The following PSTPIP2 variants were observed in gnomAD, a reference collection of about 807,000 sequenced individuals.
PSTPIP2 encodes proline-serine-threonine phosphatase interacting protein 2, also known as proline-serine-threonine phosphatase-interacting protein 2.
In PSTPIP2, 33 loss-of-function variants were observed where a neutral mutation model predicts 63.3. That is an observed-to-expected ratio of 0.52 (90% CI 0.40 to 0.70). The LOEUF is 0.70. PSTPIP2 is among the 30% of genes least tolerant of loss of function. The pLI, the probability that PSTPIP2 is intolerant of heterozygous loss-of-function variation, is 0.00. For synonymous variants in PSTPIP2, 125 were observed against 132.7 expected (o/e 0.94, Z 0.40); for missense variants, 312 against 400.7 (o/e 0.78, Z 1.89).
chr18:46,064,282 C>CTTTTTTTTTTTTTT (rs56236802), intron 1 of PSTPIP2, among the ~76,000 whole-genome samples: 48 of 71,548 alleles, frequency 6.7e-4, no homozygotes, highest in Non-Finnish European at 8.7e-4. Flanking sequence ...CTTTTTCTTT[C>CTTTTTTTTTTTTTT]TTTTTTTTTT....
intron 3 of PSTPIP2, 194 bp from the exon 4 acceptor site, chr18:46,016,131 A>G (rs145337022): frequency 7.0e-4 from 414 of 592,890 alleles, no homozygotes; most frequent in African/African-American, 6.5e-3. Context: ...GGCACAAGAA[A>G]TTCTTCACTG....
chr18:46,001,608 A>G (rs1048376704), intron 6 of PSTPIP2, among the ~76,000 whole-genome samples: 1 of 152,194 alleles, frequency 6.6e-6, no homozygotes, highest in African/African-American at 2.4e-5. Flanking sequence ...CATCACCACC[A>G]TCCATCTCCG....
chr18:46,019,400 G>A (rs571794142), intron 3 of PSTPIP2, among the ~76,000 whole-genome samples: 7 of 152,028 alleles, frequency 4.6e-5, no homozygotes, highest in South Asian at 2.1e-4. Flanking sequence ...GAACATTTGC[G>A]CCAGTTATTA....
chr18:46,042,741 T>G (rs1004499702), intron 1 of PSTPIP2, among the ~76,000 whole-genome samples: 1 of 152,126 alleles, frequency 6.6e-6, no homozygotes, highest in African/African-American at 2.4e-5. Context: ...TCTTTGCCCT[T>G]CCCAGAGAAA....
At chr18:46,068,042 A>C (rs1443055229) in intron 1 of PSTPIP2, among the ~76,000 whole-genome samples, 1 of 152,082 alleles carries the variant, frequency 6.6e-6, no homozygotes, top group Non-Finnish European at 1.5e-5. Context: ...AGCACTGTAC[A>C]GTCAGTTCTC....
At position 45,985,208 on chromosome 18, in the gene PSTPIP2, A is replaced by G. The variant is rs2051455286; in HGVS notation, c.*251T>C. ...CCCATGTTGAAAACCTAATTCATTC[A>G]TAACCTGAGTAACTGGGAAAGAATA... On this transcript the variant is annotated 3_prime_UTR_variant, in exon 15 of 15. Transcript: ENST00000409746. 2 of 534,484 alleles carry G rather than the reference A, an allele frequency of 3.7e-6. No individual in the cohort carries two copies. The highest frequency in any genetic ancestry group is 5.3e-5 in the South Asian group (2 of 37,972). 33.1% of individuals were successfully genotyped at this position (534,484 alleles called of 1,614,324 possible). A position where few individuals can be genotyped will look rare whatever the true frequency, so the allele number is the denominator to read the frequency against.
In PSTPIP2 at chr18:45,985,308, T is replaced by A. The variant is rs560282468; in HGVS notation, c.*151A>T. On this transcript the variant is annotated 3_prime_UTR_variant, in exon 15 of 15. Transcript: ENST00000409746. ...ACTTGCTTATGTTGTCCTAAATGTCTACCATAAATTTTAAATCTCTAAAAA... is the reference window on the plus strand; with the variant it reads ...ACTTGCTTATGTTGTCCTAAATGTCAACCATAAATTTTAAATCTCTAAAAA... 3.6e-5 allele frequency: 40 copies of A among 1,110,594 alleles called. No homozygotes were observed. In the African/African-American group the frequency reaches 6.4e-4, roughly 18 times the overall value. 68.8% of individuals were successfully genotyped at this position (1,110,594 alleles called of 1,614,324 possible). A position where few individuals can be genotyped will look rare whatever the true frequency, so the allele number is the denominator to read the frequency against.
intron 4 of PSTPIP2, 25 bp downstream of exon 4, chr18:46,015,878 A>C: frequency 6.3e-7 from 1 of 1,590,160 alleles, no homozygotes; most frequent in Middle Eastern, 1.7e-4. Context: ...CAGTGAATAC[A>C]TTTTTTAAAA....
intron 2 of PSTPIP2, among the ~76,000 whole-genome samples, chr18:46,025,760 T>C (rs966671615): frequency 2.0e-5 from 3 of 151,850 alleles, no homozygotes; most frequent in Admixed American, 6.6e-5. Context: ...TGGACATATA[T>C]CCACGGGCAT....
intron 10 of PSTPIP2, 84 bp downstream of exon 10, chr18:45,993,521 T>G (rs1349905044): frequency 7.4e-7 from 1 of 1,346,898 alleles, no homozygotes; most frequent in Non-Finnish European, 1.1e-6. Flanking sequence ...AAGGGCAAAG[T>G]GAACCAATCA....
intron 13 of PSTPIP2, chr18:45,989,585 A>T (rs2051502778): frequency 6.6e-6 from 1 of 152,432 alleles, no homozygotes; most frequent in South Asian, 2.1e-4. Flanking sequence ...TCTTTTCTTT[A>T]CTCAAATAAT....
At chr18:46,069,820 G>A (rs554500204) in intron 1 of PSTPIP2, among the ~76,000 whole-genome samples, 1 of 152,090 alleles carries the variant, frequency 6.6e-6, no homozygotes, top group African/African-American at 2.4e-5. Context: ...CTATTTCTCT[G>A]TCCCCTTTCT....
chr18:46,004,726 C>A (rs1330790238), intron 6 of PSTPIP2, among the ~76,000 whole-genome samples: 1 of 151,824 alleles, frequency 6.6e-6, no homozygotes, highest in Non-Finnish European at 1.5e-5. Context: ...CTTTCCAAGG[C>A]CTTAAAAAAA....
intron 1 of PSTPIP2, among the ~76,000 whole-genome samples, chr18:46,050,429 A>C (rs1456255860): frequency 1.3e-5 from 2 of 152,122 alleles, no homozygotes. Flanking sequence ...AAAATTAGCC[A>C]GGCATGGTGG....
At chr18:46,052,220 C>G (rs912963420) in intron 1 of PSTPIP2, among the ~76,000 whole-genome samples, 1 of 152,206 alleles carries the variant, frequency 6.6e-6, no homozygotes, top group South Asian at 2.1e-4. Context: ...AGGTCAAACC[C>G]AGGGGAATGT....
At chr18:45,990,306 G>A (rs1045257732) in intron 13 of PSTPIP2, among the ~76,000 whole-genome samples, 1 of 152,108 alleles carries the variant, frequency 6.6e-6, no homozygotes, top group African/African-American at 2.4e-5. Flanking sequence ...TCTAATATAG[G>A]CTCATTCTCT....
chr18:46,011,241 T>A lies in PSTPIP2; in HGVS notation c.294A>T (p.Leu98Phe). Residue 98 changes from leucine to phenylalanine, a missense_variant, in exon 5 of 15, where the codon TTA becomes TTT. Coordinates refer to ENST00000409746, the MANE Select transcript of PSTPIP2 (RefSeq NM_024430.4). ...CTTCCATCTTCCTGGCCTCTTCTCT[T>A]AAACTCTGTGCAAGCTGAATGTGAC... Reference protein sequence around the residue: ...AQCHIQLAQSLREEARKMEEF... With the variant: ...AQCHIQLAQSFREEARKMEEF... The A allele has an allele frequency of 6.2e-7, 1 of 1,614,094 alleles. No individual in the cohort carries two copies. Among genetic ancestry groups the A allele is most frequent in the Non-Finnish European group, 8.5e-7 (1 of 1,179,984 alleles).
At chr18:46,025,472 G>A (rs1301576682) in intron 2 of PSTPIP2, among the ~76,000 whole-genome samples, 2 of 152,008 alleles carry the variant, frequency 1.3e-5, no homozygotes, top group South Asian at 2.1e-4. Context: ...CCTTTTCTCT[G>A]CATTTACATG....
intron 6 of PSTPIP2, among the ~76,000 whole-genome samples, 178 bp downstream of exon 6, chr18:46,005,291 T>C (rs747027563): frequency 1.3e-5 from 2 of 152,152 alleles, no homozygotes; most frequent in Non-Finnish European, 2.9e-5. Context: ...TGTAATAATA[T>C]GTACAACAAC....
Sources: allele counts gnomAD v4.1 joint callset (sites outside exome capture counted in the v4.1 genomes callset), GRCh38; gene constraint gnomAD v4.1.1; transcripts MANE v1.5; gene names NCBI Gene and HGNC (gene_info 2026-07-23, HGNC 2026-07-21).